The following CACNB4 variants were observed in gnomAD, a reference collection of about 807,000 sequenced individuals.
CACNB4 encodes calcium voltage-gated channel auxiliary subunit beta 4.
Under a neutral mutation model 71.2 loss-of-function variants are expected in CACNB4, and 32 were observed. The observed-to-expected ratio is 0.45, with a 90% CI of 0.34 to 0.60. The LOEUF (loss-of-function observed/expected upper bound fraction) is 0.60, where lower values mean the gene tolerates loss of function less well. Among genes scored for constraint, CACNB4 ranks in the 20% least tolerant of loss-of-function variants. The pLI, the probability that CACNB4 is intolerant of heterozygous loss-of-function variation, is 0.01. For synonymous variants in CACNB4, 231 were observed against 236.9 expected (o/e 0.97, Z 0.23); for missense variants, 464 against 647.9 (o/e 0.72, Z 3.08).
chr2:152,093,300 C>T (rs1355962149), intron 2 of CACNB4, among the ~76,000 whole-genome samples: 5 of 151,982 alleles, frequency 3.3e-5, no homozygotes, highest in African/African-American at 4.8e-5. Flanking sequence ...TTGGCACCTA[C>T]TGAAATCAAC....
intron 2 of CACNB4, among the ~76,000 whole-genome samples, chr2:151,952,965 T>C (rs566172769): frequency 6.6e-6 from 1 of 152,176 alleles, no homozygotes; most frequent in Non-Finnish European, 1.5e-5. Context: ...AATGAATAGA[T>C]GAATAAGTCA....
intron 2 of CACNB4, among the ~76,000 whole-genome samples, chr2:151,958,556 G>A (rs980691919): frequency 6.6e-5 from 10 of 152,196 alleles, no homozygotes; most frequent in African/African-American, 2.2e-4. Flanking sequence ...CTGTCCAACC[G>A]GTCAGTCACC....
At chr2:152,073,183 T>C (rs926212331) in intron 2 of CACNB4, among the ~76,000 whole-genome samples, 1 of 152,184 alleles carries the variant, frequency 6.6e-6, no homozygotes, top group Non-Finnish European at 1.5e-5. Flanking sequence ...CTTGTGCAGT[T>C]GGCAGAGAGA....
At chr2:151,876,020 G>A (rs753502509) in intron 5 of CACNB4, among the ~76,000 whole-genome samples, 6 of 150,802 alleles carry the variant, frequency 4.0e-5, no homozygotes, top group Admixed American at 3.3e-4. Context: ...CCGGGCAGAG[G>A]GGCTCCTCAC....
At chr2:151,924,198 C>T (rs1289149775) in intron 2 of CACNB4, among the ~76,000 whole-genome samples, 1 of 150,572 alleles carries the variant, frequency 6.6e-6, no homozygotes, top group Non-Finnish European at 1.5e-5. Flanking sequence ...CCTGCCTCAA[C>T]CTCCCGAGTA....
chr2:151,952,275 G>A (rs1009298642), intron 2 of CACNB4, among the ~76,000 whole-genome samples: 3 of 152,044 alleles, frequency 2.0e-5, no homozygotes, highest in Non-Finnish European at 4.4e-5. Context: ...AACAGTCCAC[G>A]GCTCATAGAA....
intron 2 of CACNB4, among the ~76,000 whole-genome samples, chr2:151,896,060 T>C (rs944224611): frequency 1.3e-5 from 2 of 152,128 alleles, no homozygotes; most frequent in Non-Finnish European, 2.9e-5. Flanking sequence ...TGGCCGGGGC[T>C]GCTCTGAACT....
intron 2 of CACNB4, among the ~76,000 whole-genome samples, chr2:151,999,085 T>G (rs559690052): frequency 6.6e-6 from 1 of 152,204 alleles, no homozygotes; most frequent in Non-Finnish European, 1.5e-5. Flanking sequence ...TGTCAGCTGC[T>G]TGGCATAAGG....
chr2:151,885,566 G>A (rs983586730), intron 2 of CACNB4, among the ~76,000 whole-genome samples: 3 of 152,066 alleles, frequency 2.0e-5, no homozygotes, highest in Admixed American at 2.0e-4. Context: ...AAAACAAAAA[G>A]CATTAATTTC....
chr2:152,018,770 C>T (rs1683487742), intron 2 of CACNB4, among the ~76,000 whole-genome samples: 1 of 150,918 alleles, frequency 6.6e-6, no homozygotes, highest in Non-Finnish European at 1.5e-5. Flanking sequence ...CACCACTGCA[C>T]TCCACCCTGG....
At chr2:151,975,397 T>A (rs1358304251) in intron 2 of CACNB4, among the ~76,000 whole-genome samples, 2 of 152,234 alleles carry the variant, frequency 1.3e-5, no homozygotes, top group South Asian at 4.1e-4. Context: ...GTCGCACATC[T>A]TGGGAGTGGC....
intron 2 of CACNB4, among the ~76,000 whole-genome samples, chr2:151,986,029 T>TTAGGTA (rs1227061052): frequency 2.0e-5 from 3 of 152,168 alleles, no homozygotes; most frequent in Non-Finnish European, 4.4e-5. Flanking sequence ...ACTACCCTAG[T>TTAGGTA]TAGGTATCAT....
chr2:152,067,390 G>GGT (rs1560175821), intron 2 of CACNB4, among the ~76,000 whole-genome samples: 1 of 148,088 alleles, frequency 6.8e-6, no homozygotes, highest in African/African-American at 2.6e-5. Flanking sequence ...TGTGTGTGTG[G>GGT]GGGGGGGGGT....
chr2:151,922,109 C>A (rs1370762534), intron 2 of CACNB4, among the ~76,000 whole-genome samples: 1 of 152,234 alleles, frequency 6.6e-6, no homozygotes, highest in Non-Finnish European at 1.5e-5. Flanking sequence ...CTCCCTCTTC[C>A]ACTCACAAGA....
intron 2 of CACNB4, among the ~76,000 whole-genome samples, chr2:151,936,599 A>ATTTAATTC (rs2099862974): frequency 6.6e-6 from 1 of 152,198 alleles, no homozygotes; most frequent in African/African-American, 2.4e-5. Context: ...TGTGCCTCGG[A>ATTTAATTC]TGTCCTGTGG....
At chr2:152,004,568 C>CAT (rs1466109236) in intron 2 of CACNB4, among the ~76,000 whole-genome samples, 2 of 142,220 alleles carry the variant, frequency 1.4e-5, no homozygotes, top group African/African-American at 5.3e-5. Flanking sequence ...CACACACACA[C>CAT]ATGCTAACAA....
intron 9 of CACNB4, among the ~76,000 whole-genome samples, chr2:151,864,516 T>C (rs1312094789): frequency 6.6e-6 from 1 of 152,218 alleles, no homozygotes; most frequent in Admixed American, 6.5e-5. Context: ...CCTTGCTACA[T>C]CCAATATGCA....
At chr2:151,871,690 G>A (rs1266887810) in intron 6 of CACNB4, 1 of 152,490 alleles carries the variant, frequency 6.6e-6, no homozygotes, top group Non-Finnish European at 1.5e-5. Flanking sequence ...GTTTTGGTAG[G>A]CCAGAATAGG....
chr2:151,960,217 G>T (rs1185708023), intron 2 of CACNB4, among the ~76,000 whole-genome samples: 6 of 152,106 alleles, frequency 3.9e-5, no homozygotes, highest in African/African-American at 9.7e-5. Flanking sequence ...TATACCATAT[G>T]CCAGGCACAC....
Sources: gnomAD v4.1 joint callset for allele counts (sites outside exome capture counted in the v4.1 genomes callset) on GRCh38, gnomAD v4.1.1 for gene constraint, MANE v1.5 for transcripts, NCBI Gene and HGNC (gene_info 2026-07-23, HGNC 2026-07-21) for gene names.